CCDC144A: variants seen among roughly 807,000 people sequenced by gnomAD.
CCDC144A encodes coiled-coil domain containing 144A, also known as coiled-coil domain-containing protein 144A.
In CCDC144A, 41 loss-of-function variants were observed where a neutral mutation model predicts 143.8. That is an observed-to-expected ratio of 0.29 (90% CI 0.22 to 0.37). The LOEUF is 0.37. Among genes scored for constraint, CCDC144A ranks in the 10% least tolerant of loss-of-function variants. The probability of loss-of-function intolerance (pLI) is 1.00; values close to 1 mark genes in which losing one functional copy is unlikely to be tolerated. For missense variants in CCDC144A, 637 were observed against 1,488.8 expected (o/e 0.43, Z 9.41); for synonymous variants, 242 against 517.9 (o/e 0.47, Z 7.23).
Position 16,746,882 on chromosome 17 carries a change from T to TCTCCCTCCTCTCCCTCCC in CCDC144A, c.3372+11247_3372+11248insTCTCCCTCCCCTCCCTCC, listed in dbSNP as rs1914559218. The TCTCCCTCCTCTCCCTCCC allele has an allele frequency of 4.5e-6, 3 of 668,498 alleles. No individual in the cohort carries two copies. In the African/African-American group the frequency reaches 5.7e-5, roughly 13 times the overall value. The allele number at this position is 668,498 out of a possible 1,614,324, so 41.4% of individuals were successfully genotyped here. A position where few individuals can be genotyped will look rare whatever the true frequency, so the allele number is the denominator to read the frequency against. On this transcript the variant is annotated intron_variant, in intron 12 of 16. Transcript: ENST00000399273. ...TCCCTCCTCTCCCTTCTCTCCCTTCTCTCCCTCCCCTCCCTCCCCTCCCTC... is the reference window on the plus strand; with the variant it reads ...TCCCTCCTCTCCCTTCTCTCCCTTCTCTCCCTCCTCTCCCTCCCCTCCCTCCCCTCCCTCCCCTCCCTC...
At chr17:16,687,359 C>T (rs2142734191), upstream of CCDC144A, among the ~76,000 whole-genome samples, 1 of 152,228 alleles carries the variant, frequency 6.6e-6, no homozygotes, top group East Asian at 1.9e-4. Flanking sequence ...CCTCCCCCGC[C>T]GCCCCCCGCA....
chr17:16,704,969 T>C (rs2621618), intron 2 of CCDC144A, among the ~76,000 whole-genome samples, 182 bp from the exon 3 acceptor site: 4 of 152,316 alleles, frequency 2.6e-5, no homozygotes, highest in African/African-American at 9.6e-5. Context: ...TAGTTAATTA[T>C]ACTTACCTGA....
chr17:16,745,979 G>A, intron 12 of CCDC144A: 2 of 1,609,836 alleles, frequency 1.2e-6, no homozygotes, highest in Non-Finnish European at 8.5e-7. Context: ...CATCCACATG[G>A]TGTCTTTGTG....
chr17:16,734,270 A>T (rs1176724378), intron 11 of CCDC144A, among the ~76,000 whole-genome samples: 3 of 152,196 alleles, frequency 2.0e-5, no homozygotes, highest in Non-Finnish European at 4.4e-5. Context: ...GGAAAAAAAG[A>T]ACTTAAAGAA....
At chr17:16,706,941 T>A (rs1912098906) in intron 3 of CCDC144A, 1 of 152,180 alleles carries the variant, frequency 6.6e-6, no homozygotes, top group Admixed American at 6.5e-5. Flanking sequence ...AGTCTGTTTT[T>A]TATTTTATGT....
intron 12 of CCDC144A, among the ~76,000 whole-genome samples, chr17:16,742,146 G>A (rs540187791): frequency 1.3e-5 from 2 of 151,322 alleles, no homozygotes; most frequent in Non-Finnish European, 2.9e-5. Flanking sequence ...CAGAACACTA[G>A]AATTCATTCC....
chr17:16,772,114 G>T (rs1021165270), intron 16 of CCDC144A, 95 bp downstream of exon 16: 5 of 711,844 alleles, frequency 7.0e-6, no homozygotes, highest in Non-Finnish European at 1.2e-5. Context: ...TGGGCTAGTA[G>T]ATACTACATT....
intron 14 of CCDC144A, among the ~76,000 whole-genome samples, chr17:16,763,546 C>T (rs4792774): frequency 0.16 from 22,875 of 146,874 alleles, 2,040 homozygotes; most frequent in African/African-American, 0.34. Context: ...TATATTTATA[C>T]GCAGTGAAAT....
chr17:16,700,357 C>T (rs1911665528), intron 2 of CCDC144A, among the ~76,000 whole-genome samples: 2 of 152,146 alleles, frequency 1.3e-5, no homozygotes, highest in African/African-American at 2.4e-5. Context: ...AGGCTAGTCA[C>T]ATAGGCCACC....
intron 6 of CCDC144A, among the ~76,000 whole-genome samples, chr17:16,714,147 A>T (rs1912607712): frequency 6.6e-6 from 1 of 152,042 alleles, no homozygotes; most frequent in African/African-American, 2.4e-5. Context: ...CATCTGTCAT[A>T]GTCTGTTTTG....
the CCDC144A span, among the ~76,000 whole-genome samples, chr17:16,682,817 T>C: frequency 1.3e-5 from 2 of 151,040 alleles, no homozygotes; most frequent in East Asian, 3.9e-4. Context: ...AATTTTGTTG[T>C]AGTGAGTAGG....
chr17:16,770,349 T>C (rs1915778876), intron 15 of CCDC144A, among the ~76,000 whole-genome samples: 1 of 152,032 alleles, frequency 6.6e-6, no homozygotes, highest in African/African-American at 2.4e-5. Flanking sequence ...CGGGGTTTCA[T>C]TGTGTTAGCC....
the CCDC144A span, among the ~76,000 whole-genome samples, chr17:16,668,562 C>T: frequency 9.2e-5 from 14 of 152,184 alleles, no homozygotes; most frequent in Non-Finnish European, 2.1e-4. Flanking sequence ...CTGCTTTTGA[C>T]ATAATGAAAG....
At chr17:16,722,617 T>C (rs1360989677) in intron 8 of CCDC144A, among the ~76,000 whole-genome samples, 1 of 152,228 alleles carries the variant, frequency 6.6e-6, no homozygotes, top group Non-Finnish European at 1.5e-5. Context: ...TTTATCATTG[T>C]AGTATTATTC....
intron 8 of CCDC144A, 102 bp from the exon 9 acceptor site, chr17:16,727,425 A>C (rs1217775710): frequency 1.4e-5 from 5 of 357,130 alleles, no homozygotes; most frequent in Non-Finnish European, 2.0e-5. Context: ...CACTCAGTGC[A>C]TATTTGTTCA....
chr17:16,753,435 T>G (rs199773091), intron 12 of CCDC144A, among the ~76,000 whole-genome samples: 194 of 100,222 alleles, frequency 1.9e-3, no homozygotes, highest in South Asian at 6.4e-3. Context: ...GTAGTTTTTT[T>G]TTTTTTTTTT....
chr17:16,742,732 T>C (rs1254113380), intron 12 of CCDC144A, among the ~76,000 whole-genome samples: 2 of 152,262 alleles, frequency 1.3e-5, no homozygotes, highest in East Asian at 3.9e-4. Context: ...TCTTTGTTTT[T>C]TGTTTTTTGA....
chr17:16,671,586 T>C, the CCDC144A span, among the ~76,000 whole-genome samples: 16 of 152,008 alleles, frequency 1.1e-4, no homozygotes, highest in African/African-American at 3.6e-4. Context: ...CACAGTGAAT[T>C]TACCAGATGC....
At chr17:16,700,519 C>G (rs1397078499) in intron 2 of CCDC144A, among the ~76,000 whole-genome samples, 1 of 152,098 alleles carries the variant, frequency 6.6e-6, no homozygotes, top group Non-Finnish European at 1.5e-5. Flanking sequence ...AATTCAAGGT[C>G]CCAAACACCA....
Sources: gnomAD v4.1 joint callset for allele counts (sites outside exome capture counted in the v4.1 genomes callset) on GRCh38, gnomAD v4.1.1 for gene constraint, MANE v1.5 for transcripts, NCBI Gene and HGNC (gene_info 2026-07-23, HGNC 2026-07-21) for gene names.